SEMA3D: variants seen among roughly 807,000 people sequenced by gnomAD.
The protein encoded by SEMA3D is semaphorin 3D, also known as semaphorin-3D.
A neutral mutation model predicts 100.1 loss-of-function variants in SEMA3D; 84 were observed. The ratio of observed to expected loss-of-function variants is 0.84; its 90% CI spans 0.70 to 1.01. The LOEUF (loss-of-function observed/expected upper bound fraction) is 1.01, where lower values mean the gene tolerates loss of function less well. Among genes scored for constraint, SEMA3D ranks in the 50% least tolerant of loss-of-function variants. The pLI is 0.00. For missense variants in SEMA3D, 875 were observed against 934.1 expected, an observed-to-expected ratio of 0.94 and a Z score of 0.82; for synonymous variants, 312 against 320.7, an observed-to-expected ratio of 0.97 and a Z score of 0.29.
chr7:85,088,941 C>T (rs1215617703), intron 4 of SEMA3D, among the ~76,000 whole-genome samples: 1 of 152,140 alleles, frequency 6.6e-6, no homozygotes, highest in East Asian at 1.9e-4. Flanking sequence ...TAGCTTTCTT[C>T]CACGAATCAT....
rs551504919 is a variant in SEMA3D, at chr7:85,070,871, C to T, written c.495+2091G>A. On this transcript the variant is annotated intron_variant, in intron 6 of 18. Transcript: ENST00000284136. ...GCTTGGCTCACTGCAACCTCCGCCT[C>T]CCGAGTTCAAACAATTTTCTTGCCT... is the stretch of plus-strand genomic sequence containing the variant. 3.3e-5 allele frequency among the ~76,000 whole-genome samples: 5 copies of T among 152,294 alleles called. No individual in the cohort carries two copies. The South Asian group carries it at 6.2e-4, about 19-fold the overall frequency.
intron 5 of SEMA3D, among the ~76,000 whole-genome samples, chr7:85,080,999 G>C (rs528070684): frequency 1.7e-4 from 26 of 152,058 alleles, no homozygotes; most frequent in African/African-American, 6.3e-4. Flanking sequence ...TAGTTCTTAC[G>C]CCAGAATGCT....
In SEMA3D at chr7:84,995,952, C is replaced by A. The variant is rs1426346114; in HGVS notation, c.*3488G>T. On this transcript the variant is annotated 3_prime_UTR_variant, in exon 19 of 19. Transcript: ENST00000284136. ...ATCATTTACTATGATAAAAATACAT[C>A]TCCTATAAAAACACTTCAAATATCT... The A allele has an allele frequency of 6.6e-6, 1 of 151,350 alleles. No individual in the cohort carries two copies. The highest frequency in any genetic ancestry group is 2.4e-5 in the African/African-American group (1 of 41,268). 9.4% of individuals were successfully genotyped at this position (151,350 alleles called of 1,614,324 possible).
intron 12 of SEMA3D, among the ~76,000 whole-genome samples, chr7:85,034,003 A>G (rs1173510383): frequency 2.0e-5 from 3 of 152,136 alleles, no homozygotes; most frequent in Admixed American, 1.3e-4. Flanking sequence ...TTGAATTTAC[A>G]GTATGATAGT....
intron 2 of SEMA3D, among the ~76,000 whole-genome samples, chr7:85,127,531 T>C (rs2109501): frequency 0.55 from 83,633 of 151,952 alleles, 24,207 homozygotes; most frequent in African/African-American, 0.74. Flanking sequence ...GGTTTCATTT[T>C]TTCCTGACCA....
At chr7:85,139,497 T>A (rs1789979998) in intron 2 of SEMA3D, among the ~76,000 whole-genome samples, 1 of 152,088 alleles carries the variant, frequency 6.6e-6, no homozygotes, top group Admixed American at 6.6e-5. Flanking sequence ...CATCCTGAAA[T>A]CCATGTAATA....
chr7:85,098,212 G>A (rs1436230382), intron 3 of SEMA3D, among the ~76,000 whole-genome samples: 2 of 151,664 alleles, frequency 1.3e-5, no homozygotes, highest in East Asian at 1.9e-4. Context: ...GGCCAATATA[G>A]CTATATGTAA....
intron 9 of SEMA3D, among the ~76,000 whole-genome samples, chr7:85,054,545 C>A (rs1791254410): frequency 6.6e-6 from 1 of 152,028 alleles, no homozygotes; most frequent in South Asian, 2.1e-4. Context: ...CAGTGGGAGA[C>A]AGCATTATTG....
At chr7:85,169,960 A>C (rs1270660298) in intron 1 of SEMA3D, among the ~76,000 whole-genome samples, 1 of 151,738 alleles carries the variant, frequency 6.6e-6, no homozygotes, top group African/African-American at 2.4e-5. Flanking sequence ...GTGAATGTGA[A>C]AATAAAAAAA....
the SEMA3D span, among the ~76,000 whole-genome samples, chr7:85,201,298 C>A: frequency 2.6e-5 from 4 of 152,138 alleles, no homozygotes; most frequent in East Asian, 3.9e-4. Flanking sequence ...TAGCTTTGAT[C>A]GCCTACACTT....
the SEMA3D span, among the ~76,000 whole-genome samples, chr7:85,197,498 C>T: frequency 6.6e-6 from 1 of 151,704 alleles, no homozygotes. Flanking sequence ...AGTTGTCCCG[C>T]CTTTCTGGAC....
At chr7:85,128,523 A>G (rs1404910704) in intron 2 of SEMA3D, among the ~76,000 whole-genome samples, 1 of 151,974 alleles carries the variant, frequency 6.6e-6, no homozygotes, top group African/African-American at 2.4e-5. Flanking sequence ...AAGCCCTTTT[A>G]TTTTTTAGAA....
chr7:85,076,672 G>C (rs1485944135), intron 5 of SEMA3D, among the ~76,000 whole-genome samples: 1 of 152,124 alleles, frequency 6.6e-6, no homozygotes, highest in Non-Finnish European at 1.5e-5. Context: ...TTTAATGTGT[G>C]TTGCAGAATA....
At chr7:85,047,502 C>T (rs1344732596) in intron 9 of SEMA3D, among the ~76,000 whole-genome samples, 6 of 151,764 alleles carry the variant, frequency 4.0e-5, no homozygotes, top group African/African-American at 2.4e-5. Context: ...TCTGTATATA[C>T]CATCCTCTTC....
In SEMA3D at chr7:84,996,164, C is replaced by T. The variant is rs1187408894; in HGVS notation, c.*3276G>A. 6.6e-6 allele frequency: 1 copy of T among 151,762 alleles called. No individual in the cohort carries two copies. The highest frequency in any genetic ancestry group is 6.6e-5 in the Admixed American group (1 of 15,230). 9.4% of individuals were successfully genotyped at this position (151,762 alleles called of 1,614,324 possible). A position where few individuals can be genotyped will look rare whatever the true frequency, so the allele number is the denominator to read the frequency against. Reference sequence around the variant, plus strand: ...AGAAAATCAGTATTTAATGAATGCTCTTATTATTTTTTGGACAGCTGAATG... The same window carrying T: ...AGAAAATCAGTATTTAATGAATGCTTTTATTATTTTTTGGACAGCTGAATG... On this transcript the variant is annotated 3_prime_UTR_variant, in exon 19 of 19. Coordinates refer to ENST00000284136, the MANE Select transcript of SEMA3D (RefSeq NM_001384900.1).
chr7:85,140,519 A>G (rs990385911), intron 2 of SEMA3D: 2 of 984,106 alleles, frequency 2.0e-6, no homozygotes, highest in African/African-American at 3.5e-5. Context: ...ACTGTTGATC[A>G]TAGTCACTTC....
chr7:85,185,391 T>C (rs2116589917), intron 1 of SEMA3D, among the ~76,000 whole-genome samples: 1 of 152,098 alleles, frequency 6.6e-6, no homozygotes, highest in East Asian at 1.9e-4. Flanking sequence ...AGAACCCTTT[T>C]TAGGCTAAAC....
At position 85,081,518 on chromosome 7, in the gene SEMA3D, T is replaced by A; in HGVS notation, c.374A>T (p.Asn125Ile). ...ELCKLAGKDA[N>I]TECANFIRVL... is the part of the protein sequence containing the mutation. ...TAATTGTTACAGTTTCATACTTACA[T>A]TGGCATCTTTCCCAGCTAATTTACA... Residue 125 changes from asparagine to isoleucine, a missense_variant and splice_region_variant, in exon 5 of 19, where the codon AAT becomes ATT. Physicochemically the swap from Asn to Ile is moderately radical, Grantham distance 149. Coordinates refer to ENST00000284136, the MANE Select transcript of SEMA3D (RefSeq NM_001384900.1). 6.3e-7 allele frequency: 1 copy of A among 1,599,914 alleles called. No homozygotes were observed. Among genetic ancestry groups the A allele is most frequent in the Non-Finnish European group, 8.6e-7 (1 of 1,167,304 alleles).
chr7:85,015,157 G>C lies in SEMA3D; in HGVS notation c.1605C>G (p.Asp535Glu), dbSNP rs1243577922. Residue 535 changes from aspartate (D) to glutamate (E), a missense_variant, in exon 16 of 19, where the codon GAC becomes GAG. Asp to Glu is a conservative substitution (Grantham distance 45, BLOSUM62 2). Coordinates refer to ENST00000284136, the MANE Select transcript of SEMA3D (RefSeq NM_001384900.1). ...AGTCTGCGCAAGCTTTCCCATAAGT[G>C]TCGCATCTGTGCAAGGAGAGCTGAA... ...GLVQLSLHRC[D>E]TYGKACADCC... The C allele has an allele frequency of 6.2e-7, 1 of 1,611,696 alleles. No homozygotes were observed. Among genetic ancestry groups the C allele is most frequent in the Non-Finnish European group, 8.5e-7 (1 of 1,178,530 alleles).
Sources: allele counts gnomAD v4.1 joint callset (sites outside exome capture counted in the v4.1 genomes callset), GRCh38; gene constraint gnomAD v4.1.1; transcripts MANE v1.5; gene names NCBI Gene and HGNC (gene_info 2026-07-23, HGNC 2026-07-21).